Variants in CDH13 observed in about 807,000 individuals in gnomAD.
The protein encoded by CDH13 is cadherin-13.
A neutral mutation model predicts 63.8 loss-of-function variants in CDH13; 24 were observed. The observed-to-expected ratio is 0.38, with a 90% CI of 0.27 to 0.53. The LOEUF is 0.53. Among genes scored for constraint, CDH13 ranks in the 20% least tolerant of loss-of-function variants. The pLI is 0.85. For missense variants in CDH13, 1,049 were observed against 903.1 expected (o/e 1.16, Z -2.07); for synonymous variants, 503 against 355.3 (o/e 1.42, Z -4.67).
intron 6 of CDH13, among the ~76,000 whole-genome samples, chr16:83,369,331 A>G (rs553097366): frequency 9.9e-5 from 15 of 152,010 alleles, no homozygotes; most frequent in Non-Finnish European, 1.8e-4. Context: ...TGAACACACC[A>G]TCTCTCATCA....
intron 5 of CDH13, among the ~76,000 whole-genome samples, chr16:83,288,545 C>G (rs1006688546): frequency 1.3e-5 from 2 of 152,132 alleles, no homozygotes; most frequent in African/African-American, 4.8e-5. Flanking sequence ...GAAGCCATCC[C>G]CCAAGCTGAA....
At chr16:82,977,080 C>A (rs1284232569) in intron 2 of CDH13, among the ~76,000 whole-genome samples, 1 of 152,154 alleles carries the variant, frequency 6.6e-6, no homozygotes, top group Non-Finnish European at 1.5e-5. Context: ...ACTAAATATA[C>A]CTCTGGAATA....
rs11647869 is a variant in CDH13, at chr16:82,724,739, G to A, written c.45+97602G>A. 5.8e-3 allele frequency among the ~76,000 whole-genome samples: 879 copies of A among 152,316 alleles called. 1 individual carries two copies. The highest frequency in any genetic ancestry group is 8.9e-3 in the Non-Finnish European group (604 of 68,028). ...GTAGCTGAGAGAATCACAGGGCCCT[G>A]TGAGAGACTGGAAGGCACCCAGATG... On this transcript the variant is annotated intron_variant, in intron 1 of 13. Transcript: ENST00000567109.
In CDH13 at chr16:82,806,449, T is replaced by G. The variant is rs549332106; in HGVS notation, c.46-51913T>G. On this transcript the variant is annotated intron_variant, in intron 1 of 13. Coordinates refer to ENST00000567109, the MANE Select transcript of CDH13 (RefSeq NM_001257.5). ...ATGTGGGTTCTTACAAAACAAAACT[T>G]GGAATTTTAAAGTTAATTTTTGTTA... 3.8e-4 allele frequency among the ~76,000 whole-genome samples: 58 copies of G among 152,334 alleles called. 2 individuals carry two copies. The South Asian group carries it at 0.011, about 30-fold the overall frequency.
chr16:82,901,264 C>A (rs1033107815), intron 2 of CDH13, among the ~76,000 whole-genome samples: 1 of 151,552 alleles, frequency 6.6e-6, no homozygotes, highest in African/African-American at 2.4e-5. Flanking sequence ...AATCTCCTTG[C>A]AGGCCTTCAA....
chr16:83,626,973 C>G (rs1244789387), intron 8 of CDH13, among the ~76,000 whole-genome samples: 1 of 152,106 alleles, frequency 6.6e-6, no homozygotes, highest in East Asian at 1.9e-4. Flanking sequence ...CTCATGCTCC[C>G]TGATGGTCCT....
chr16:83,120,838 A>G (rs1747980278), intron 3 of CDH13, among the ~76,000 whole-genome samples: 1 of 142,018 alleles, frequency 7.0e-6, no homozygotes, highest in African/African-American at 2.7e-5. Flanking sequence ...ATCTCAGCTC[A>G]CTGCAACTTC....
At chr16:83,024,837 C>G (rs960960745) in intron 2 of CDH13, among the ~76,000 whole-genome samples, 1 of 152,158 alleles carries the variant, frequency 6.6e-6, no homozygotes, top group Non-Finnish European at 1.5e-5. Flanking sequence ...CCTTTAATAT[C>G]GTTTTTCCTT....
At chr16:82,742,852 T>C (rs1294923395) in intron 1 of CDH13, among the ~76,000 whole-genome samples, 4 of 152,208 alleles carry the variant, frequency 2.6e-5, no homozygotes. Context: ...CTCAAAAATA[T>C]ACTGAAAATC....
At chr16:82,850,491 G>A (rs139443693) in intron 1 of CDH13, among the ~76,000 whole-genome samples, 2 of 152,352 alleles carry the variant, frequency 1.3e-5, no homozygotes, top group African/African-American at 4.8e-5. Flanking sequence ...TAATCCTGGT[G>A]AAGATGCTGT....
At chr16:83,483,880 T>C (rs781741562) in intron 6 of CDH13, among the ~76,000 whole-genome samples, 2 of 152,178 alleles carry the variant, frequency 1.3e-5, no homozygotes, top group Admixed American at 1.3e-4. Context: ...TAACACTAAT[T>C]CTGTAGCATG....
intron 4 of CDH13, among the ~76,000 whole-genome samples, chr16:83,190,020 C>G (rs2038647906): frequency 1.3e-5 from 2 of 152,164 alleles, no homozygotes; most frequent in Non-Finnish European, 2.9e-5. Flanking sequence ...GAGGCCTCCC[C>G]CACCATGTGG....
intron 2 of CDH13, among the ~76,000 whole-genome samples, chr16:82,924,184 A>C (rs1306989363): frequency 1.3e-5 from 2 of 152,206 alleles, no homozygotes; most frequent in Non-Finnish European, 2.9e-5. Context: ...AAGGTGGTAA[A>C]TGTAAATTGA....
intron 1 of CDH13, among the ~76,000 whole-genome samples, chr16:82,695,101 G>C (rs763246401): frequency 6.6e-6 from 1 of 152,098 alleles, no homozygotes; most frequent in African/African-American, 2.4e-5. Flanking sequence ...CATGTTCTTG[G>C]TACCAGAAGC....
chr16:82,689,509 T>C (rs1031646896), intron 1 of CDH13, among the ~76,000 whole-genome samples: 3 of 152,208 alleles, frequency 2.0e-5, no homozygotes, highest in African/African-American at 7.2e-5. Flanking sequence ...GGTTTATTTT[T>C]GAGGCCACCT....
chr16:83,629,056 T>C (rs114714330), intron 8 of CDH13, among the ~76,000 whole-genome samples: 84 of 152,356 alleles, frequency 5.5e-4, no homozygotes, highest in African/African-American at 1.9e-3. Context: ...GCTCTCTTCC[T>C]TATGTTCCTG....
chr16:83,074,220 C>T (rs1031797041), intron 3 of CDH13, among the ~76,000 whole-genome samples: 2 of 152,202 alleles, frequency 1.3e-5, no homozygotes, highest in Admixed American at 1.3e-4. Context: ...TAGGTCCCAT[C>T]TGTGAGTGAG....
At chr16:82,948,424 C>G (rs908332657) in intron 2 of CDH13, among the ~76,000 whole-genome samples, 3 of 152,102 alleles carry the variant, frequency 2.0e-5, no homozygotes, top group Non-Finnish European at 4.4e-5. Flanking sequence ...TCTTCTTCCC[C>G]CTTTAGAGTT....
chr16:83,387,852 C>T (rs764840036), intron 6 of CDH13, among the ~76,000 whole-genome samples: 7 of 152,200 alleles, frequency 4.6e-5, no homozygotes, highest in African/African-American at 7.2e-5. Context: ...GCAGTGTTTA[C>T]ACAGCATGTC....
Sources: gnomAD v4.1 joint callset for allele counts (sites outside exome capture counted in the v4.1 genomes callset) on GRCh38, gnomAD v4.1.1 for gene constraint, MANE v1.5 for transcripts, NCBI Gene and HGNC (gene_info 2026-07-23, HGNC 2026-07-21) for gene names.